Variants in BATF3 observed in about 807,000 individuals in gnomAD.
BATF3 encodes the protein basic leucine zipper transcriptional factor ATF-like 3.
Under a neutral mutation model 16.1 loss-of-function variants are expected in BATF3, and 8 were observed. The observed-to-expected ratio is 0.50, with a 90% CI of 0.29 to 0.90. The LOEUF (loss-of-function observed/expected upper bound fraction) is 0.90. BATF3 is among the 40% of genes least tolerant of loss of function. The probability of loss-of-function intolerance (pLI) is 0.08; values close to 1 mark genes in which losing one functional copy is unlikely to be tolerated. For missense variants in BATF3, 139 were observed against 167.0 expected (o/e 0.83, Z 0.92); for synonymous variants, 74 against 72.7 (o/e 1.02, Z -0.09).
At chr1:212,687,561 T>C (rs1366367086) in intron 2 of BATF3, 3 of 153,180 alleles carry the variant, frequency 2.0e-5, no homozygotes, top group Non-Finnish European at 1.5e-5. Flanking sequence ...GTAGAAACCA[T>C]CCATATCCAA....
intron 2 of BATF3, among the ~76,000 whole-genome samples, chr1:212,687,285 G>T (rs1280353186): frequency 6.6e-6 from 1 of 152,246 alleles, no homozygotes; most frequent in East Asian, 1.9e-4. Context: ...ACTCCAAAAA[G>T]TTCCCCATGC....
rs568574192 is a variant in BATF3, at chr1:212,687,364, T to A, written c.196-385A>T. ...GATCTCTATTGGGTTCACAGCTATA[T>A]CCCCAGCACCTAGAACAGTACCTGG... On this transcript the variant is annotated intron_variant, in intron 2 of 2. Transcript: ENST00000243440. The A allele has an allele frequency of 2.3e-5, 5 of 215,058 alleles. No individual in the cohort carries two copies. The East Asian group carries it at 5.2e-4, about 22-fold the overall frequency. 13.3% of individuals were successfully genotyped at this position (215,058 alleles called of 1,614,324 possible).
At chr1:212,690,707 T>C (rs1656981204) in intron 2 of BATF3, among the ~76,000 whole-genome samples, 1 of 152,212 alleles carries the variant, frequency 6.6e-6, no homozygotes, top group African/African-American at 2.4e-5. Flanking sequence ...ATGACCCCTC[T>C]AGCTCGAATT....
chr1:212,699,801 C>G lies in BATF3; in HGVS notation c.-39G>C, dbSNP rs1364985406. On this transcript the variant is annotated 5_prime_UTR_variant, in exon 1 of 3. Coordinates refer to ENST00000243440, the MANE Select transcript of BATF3 (RefSeq NM_018664.3). This position sits in a 1 kb window ranked among gnomAD's most constrained non-coding sequence, Gnocchi z 4.4. ...CTGGCCCGGCCCGCCCCGCCCCGCC[C>G]GCGCGCCCTGCCCGTGGGGCTGCCT... The G allele has an allele frequency of 2.6e-6, 3 of 1,153,278 alleles. No homozygotes were observed. Among genetic ancestry groups the G allele is most frequent in the Non-Finnish European group, 3.2e-6 (3 of 936,098 alleles). 71.4% of individuals were successfully genotyped at this position (1,153,278 alleles called of 1,614,324 possible). A position where few individuals can be genotyped will look rare whatever the true frequency, so the allele number is the denominator to read the frequency against.
intron 2 of BATF3, among the ~76,000 whole-genome samples, chr1:212,692,583 G>T (rs556268476): frequency 2.6e-5 from 4 of 152,192 alleles, no homozygotes; most frequent in African/African-American, 9.6e-5. Context: ...AACTACAGGC[G>T]CACGCCACCA....
intron 2 of BATF3, among the ~76,000 whole-genome samples, chr1:212,694,986 A>C (rs1323263082): frequency 6.6e-6 from 1 of 152,168 alleles, no homozygotes; most frequent in Non-Finnish European, 1.5e-5. Flanking sequence ...TTAGAGTTTT[A>C]AGATTGCCCT....
intron 2 of BATF3, among the ~76,000 whole-genome samples, chr1:212,692,392 G>C (rs1245835779): frequency 6.6e-6 from 1 of 151,974 alleles, no homozygotes; most frequent in Non-Finnish European, 1.5e-5. Context: ...AGACGAAAGA[G>C]CAAAAAAAAC....
chr1:212,691,927 C>T (rs1425285006), intron 2 of BATF3, among the ~76,000 whole-genome samples: 2 of 152,234 alleles, frequency 1.3e-5, no homozygotes, highest in Non-Finnish European at 2.9e-5. Flanking sequence ...GAAATCCCCA[C>T]GGGAGGTGTG....
In BATF3 at chr1:212,689,912, C is replaced by CACAG. The variant is rs201480388; in HGVS notation, c.196-2937_196-2934dup. On this transcript the variant is annotated intron_variant, in intron 2 of 2. Transcript: ENST00000243440. This position sits in a 1 kb window ranked among gnomAD's most constrained non-coding sequence, Gnocchi z 4.6. ...CTGCAAACACACTCTCATACCCAGCCACAGACACTCTCACACACATACACA... is the reference window on the plus strand; with the variant it reads ...CTGCAAACACACTCTCATACCCAGCCACAGACAGACACTCTCACACACATACACA... 0.022 allele frequency among the ~76,000 whole-genome samples: 3,368 copies of CACAG among 151,500 alleles called. 112 individuals are homozygous for CACAG. The highest frequency in any genetic ancestry group is 0.072 in the African/African-American group (2,949 of 41,154).
chr1:212,698,981 C>A (rs1026555839), intron 1 of BATF3, among the ~76,000 whole-genome samples: 2 of 152,218 alleles, frequency 1.3e-5, no homozygotes, highest in African/African-American at 4.8e-5. Flanking sequence ...CACCTGATGA[C>A]ATGGGCCGGG....
At chr1:212,693,950 G>A (rs367679589) in intron 2 of BATF3, among the ~76,000 whole-genome samples, 12 of 152,162 alleles carry the variant, frequency 7.9e-5, no homozygotes, top group Non-Finnish European at 1.8e-4. Flanking sequence ...GGGACTATGC[G>A]GATGTGATTA....
rs1380547495 is a variant in BATF3 at position 212,696,938 on chromosome 1, G to C, written c.195+23C>G. On this transcript the variant is annotated intron_variant, in intron 2 of 2. Coordinates refer to ENST00000243440, the MANE Select transcript of BATF3 (RefSeq NM_018664.3). ...GCAGAGGCTGTGTGGCTCTAAGGTG[G>C]CTTGCCCCTACCACGGTCTCACCTC... 3 of 1,593,272 alleles carry C rather than the reference G, an allele frequency of 1.9e-6. No individual in the cohort carries two copies. In the Admixed American group the frequency reaches 5.0e-5, roughly 27 times the overall value.
At chr1:212,695,396 A>C (rs1657101664) in intron 2 of BATF3, among the ~76,000 whole-genome samples, 1 of 147,534 alleles carries the variant, frequency 6.8e-6, no homozygotes, top group African/African-American at 2.5e-5. Context: ...CGGGAGGCTA[A>C]GGCAGGAGAA....
chr1:212,689,763 ACT>A lies in BATF3; in HGVS notation c.196-2786_196-2785del, dbSNP rs553002243. 1.4e-3 allele frequency among the ~76,000 whole-genome samples: 205 copies of A among 151,468 alleles called. 2 individuals carry two copies. The highest frequency in any genetic ancestry group is 3.4e-3 in the Middle Eastern group (1 of 294). ...CTTACACACATACACATATACACAC[ACT>A]CACACACGTCCGCAAACACACTCAC... On this transcript the variant is annotated intron_variant, in intron 2 of 2. Transcript: ENST00000243440. The surrounding 1 kb of genome is among the most constrained non-coding windows in gnomAD (Gnocchi z 4.6).
intron 2 of BATF3, among the ~76,000 whole-genome samples, chr1:212,693,087 G>A (rs1244028836): frequency 6.6e-6 from 1 of 152,288 alleles, no homozygotes; most frequent in African/African-American, 2.4e-5. Context: ...TGTGCAAGGC[G>A]CTCTGTGCTC....
Position 212,689,329 on chromosome 1 carries a change from T to C in BATF3, c.196-2350A>G, listed in dbSNP as rs1200820580. Among the ~76,000 whole-genome samples, 1 of 152,126 alleles carries C rather than the reference T, an allele frequency of 6.6e-6. No homozygotes were observed. The highest frequency in any genetic ancestry group is 1.9e-4 in the East Asian group (1 of 5,192). On this transcript the variant is annotated intron_variant, in intron 2 of 2. Transcript: ENST00000243440. This position sits in a 1 kb window ranked among gnomAD's most constrained non-coding sequence, Gnocchi z 4.6. Reference sequence around the variant, plus strand: ...GGGACTCTCAGCATCTTCCTCCCTTTAAGAACCAAGGGGTCTGGCGGGGCT... The same window carrying C: ...GGGACTCTCAGCATCTTCCTCCCTTCAAGAACCAAGGGGTCTGGCGGGGCT...
At position 212,686,655 on chromosome 1, in the gene BATF3, C is replaced by G; in HGVS notation, c.*136G>C. Reference sequence around the variant, plus strand: ...GGCTGAGCCCAGTCTGCAGGGAACACAGCTGGCTGGTCCTGGAGCTCCCAG... The same window carrying G: ...GGCTGAGCCCAGTCTGCAGGGAACAGAGCTGGCTGGTCCTGGAGCTCCCAG... On this transcript the variant is annotated 3_prime_UTR_variant, in exon 3 of 3. Transcript: ENST00000243440. The G allele has an allele frequency of 7.2e-7, 1 of 1,397,602 alleles. No individual in the cohort carries two copies. The highest frequency in any genetic ancestry group is 9.4e-7 in the Non-Finnish European group (1 of 1,061,744). The allele number at this position is 1,397,602 out of a possible 1,614,324, so 86.6% of individuals were successfully genotyped here.
In BATF3 at chr1:212,686,932, G is replaced by T. The variant is rs940265288; in HGVS notation, c.243C>A (p.Ile81=). ...GCTTCAGCTCCTCTGTCAGCTTCCC[G>T]ATCTCTCTCCGCAGCATGGTGTTTT... The part of the protein sequence containing the change: ...EQENTMLRRE[I]GKLTEELKHL... Residue 81 remains isoleucine, a synonymous_variant, in exon 3 of 3, where the codon ATC becomes ATA. Coordinates refer to ENST00000243440, the MANE Select transcript of BATF3 (RefSeq NM_018664.3). 6.2e-7 allele frequency: 1 copy of T among 1,613,654 alleles called. No individual in the cohort carries two copies. The highest frequency in any genetic ancestry group is 8.5e-7 in the Non-Finnish European group (1 of 1,179,684).
intron 1 of BATF3, chr1:212,697,728 A>G (rs1657165111): frequency 6.6e-6 from 1 of 152,284 alleles, no homozygotes; most frequent in Admixed American, 6.5e-5. Context: ...GCTGTTAGCT[A>G]TATGTAAGAT....
Sources: allele counts gnomAD v4.1 joint callset (sites outside exome capture counted in the v4.1 genomes callset), GRCh38; gene constraint gnomAD v4.1.1; non-coding constraint Gnocchi (gnomAD v3.1); transcripts MANE v1.5; gene names NCBI Gene and HGNC (gene_info 2026-07-23, HGNC 2026-07-21).